Variants in TCF7L2 observed in about 807,000 individuals in gnomAD.
TCF7L2 encodes transcription factor 7 like 2, also known as transcription factor 7-like 2.
A neutral mutation model predicts 77.9 loss-of-function variants in TCF7L2; 23 were observed. The observed-to-expected ratio is 0.30, with a 90% confidence interval of 0.21 to 0.42. The LOEUF is 0.42. Ranked by LOEUF, TCF7L2 falls within the 10% of genes least tolerant of loss-of-function variation. The pLI is 1.00. For missense variants in TCF7L2, 654 were observed against 793.1 expected, an observed-to-expected ratio of 0.82 and a Z score of 2.11; for synonymous variants, 413 against 340.2, an observed-to-expected ratio of 1.21 and a Z score of -2.36.
At chr10:113,125,091 C>G (rs1299065620) in intron 5 of TCF7L2, among the ~76,000 whole-genome samples, 1 of 152,062 alleles carries the variant, frequency 6.6e-6, no homozygotes, top group East Asian at 1.9e-4. Flanking sequence ...AAGAGCTGAG[C>G]TGATGAAGGT....
At chr10:113,043,643 C>T (rs529512586) in intron 5 of TCF7L2, among the ~76,000 whole-genome samples, 2 of 152,222 alleles carry the variant, frequency 1.3e-5, no homozygotes, top group East Asian at 1.9e-4. Flanking sequence ...TTCTTAACAA[C>T]TCAGAGACAT....
chr10:113,131,684 G>A (rs11599737), intron 5 of TCF7L2, among the ~76,000 whole-genome samples: 8,578 of 152,196 alleles, frequency 0.056, 354 homozygotes, highest in Non-Finnish European at 0.087. Flanking sequence ...CTGCTGCATC[G>A]GCATTTTCTG....
chr10:113,083,259 G>GACACACAC (rs10649541), intron 5 of TCF7L2, among the ~76,000 whole-genome samples: 6,483 of 143,382 alleles, frequency 0.045, 230 homozygotes, highest in East Asian at 0.1. Flanking sequence ...TATACTGATA[G>GACACACAC]ACACACACAC....
At chr10:113,007,035 C>T (rs569916451) in intron 4 of TCF7L2, among the ~76,000 whole-genome samples, 2 of 152,368 alleles carry the variant, frequency 1.3e-5, no homozygotes, top group African/African-American at 4.8e-5. Flanking sequence ...AACTACATTC[C>T]TTTCCCTTCA....
intron 5 of TCF7L2, among the ~76,000 whole-genome samples, chr10:113,068,749 G>T (rs940918193): frequency 6.6e-6 from 1 of 151,996 alleles, no homozygotes; most frequent in Non-Finnish European, 1.5e-5. Flanking sequence ...CTGGAAGCTC[G>T]TCCCGTCCGC....
At position 112,966,107 on chromosome 10, in the gene TCF7L2, G is replaced by A. The variant is rs970215595; in HGVS notation, c.450+1483G>A. 9.3e-5 allele frequency among the ~76,000 whole-genome samples: 14 copies of A among 150,090 alleles called. 1 individual carries two copies. Among genetic ancestry groups the A allele is most frequent in the East Asian group, 5.9e-4 (3 of 5,128 alleles). On this transcript the variant is annotated intron_variant, in intron 4 of 13. Coordinates refer to ENST00000627217, the MANE Select transcript of TCF7L2 (RefSeq NM_001146274.2). ...GGAGAATCACTTGAACCCGGGAGGC[G>A]GAGGTTGCGGTGAGCCGAGATCACG...
rs1373725715 is a variant in TCF7L2 at position 113,001,061 on chromosome 10, G to A, written c.450+36437G>A. Reference sequence around the variant, plus strand: ...GCTCCGGAGGGCAGGCCTGGAGTCAGGAATGCTTCCTGCAACCTGTTCGTG... The same window carrying A: ...GCTCCGGAGGGCAGGCCTGGAGTCAAGAATGCTTCCTGCAACCTGTTCGTG... On this transcript the variant is annotated intron_variant, in intron 4 of 13. Transcript: ENST00000627217. 2.6e-5 allele frequency among the ~76,000 whole-genome samples: 4 copies of A among 152,230 alleles called. 1 individual carries two copies. The highest frequency in any genetic ancestry group is 5.9e-5 in the Non-Finnish European group (4 of 68,040).
chr10:113,085,762 T>C (rs1468957819), intron 5 of TCF7L2, among the ~76,000 whole-genome samples: 1 of 152,232 alleles, frequency 6.6e-6, no homozygotes, highest in African/African-American at 2.4e-5. Flanking sequence ...TCTCTTGACT[T>C]GATCCAGCCT....
chr10:113,109,073 G>A (rs1182191399), intron 5 of TCF7L2, among the ~76,000 whole-genome samples: 1 of 152,202 alleles, frequency 6.6e-6, no homozygotes, highest in Non-Finnish European at 1.5e-5. Context: ...ACACACGCGC[G>A]TGCACACATG....
At chr10:113,087,095 T>C (rs2059918533) in intron 5 of TCF7L2, among the ~76,000 whole-genome samples, 1 of 152,224 alleles carries the variant, frequency 6.6e-6, no homozygotes, top group African/African-American at 2.4e-5. Context: ...TCAAAGCCAG[T>C]AGCCCCTGAT....
intron 5 of TCF7L2, chr10:113,129,898 G>T: frequency 7.7e-7 from 1 of 1,292,346 alleles, no homozygotes; most frequent in Non-Finnish European, 1.0e-6. Flanking sequence ...AGTGGGAATG[G>T]AAGATTTGAG....
chr10:113,085,191 T>G (rs1299034204), intron 5 of TCF7L2, among the ~76,000 whole-genome samples: 1 of 151,680 alleles, frequency 6.6e-6, no homozygotes, highest in African/African-American at 2.4e-5. Context: ...CTTGGCCTTC[T>G]GAGTAGCTAC....
intron 5 of TCF7L2, among the ~76,000 whole-genome samples, chr10:113,047,060 A>G (rs778899057): frequency 3.9e-5 from 6 of 152,178 alleles, no homozygotes; most frequent in East Asian, 1.9e-4. Context: ...TACTGAATCA[A>G]TGCCATATTG....
chr10:113,108,213 T>G (rs1399163258), intron 5 of TCF7L2, among the ~76,000 whole-genome samples: 1 of 152,094 alleles, frequency 6.6e-6, no homozygotes, highest in Non-Finnish European at 1.5e-5. Flanking sequence ...AAACACAATG[T>G]GGACCCCCCC....
intron 4 of TCF7L2, among the ~76,000 whole-genome samples, chr10:113,027,345 T>G (rs1016606167): frequency 1.3e-5 from 2 of 152,206 alleles, no homozygotes; most frequent in African/African-American, 4.8e-5. Context: ...CTTTTGGTTC[T>G]TTCAGCGTTT....
At chr10:113,118,078 C>T (rs1166594069) in intron 5 of TCF7L2, among the ~76,000 whole-genome samples, 1 of 151,862 alleles carries the variant, frequency 6.6e-6, no homozygotes, top group Admixed American at 6.6e-5. Flanking sequence ...CAACCATTTC[C>T]AGGACTCGCT....
intron 5 of TCF7L2, among the ~76,000 whole-genome samples, chr10:113,055,925 G>GT (rs915660876): frequency 1.6e-4 from 25 of 152,270 alleles, no homozygotes; most frequent in Admixed American, 6.5e-5. Context: ...AGGAAATTAG[G>GT]TTTTTTTGGT....
At chr10:113,147,662 G>A (rs1045702307) in intron 8 of TCF7L2, among the ~76,000 whole-genome samples, 1 of 152,182 alleles carries the variant, frequency 6.6e-6, no homozygotes, top group Non-Finnish European at 1.5e-5. Flanking sequence ...CATTCTATTA[G>A]TGTAGCAGCT....
In TCF7L2 at chr10:112,950,434, C is replaced by CTTG. The variant is rs1468806771; in HGVS notation, c.-313_-311dup. ...CCCCTTTGCTCTTTATATCTGACTT[C>CTTG]TTGTTGTTGTTGGTGTTTTTTTTTT... On this transcript the variant is annotated 5_prime_UTR_variant, in exon 1 of 14. Coordinates refer to ENST00000627217, the MANE Select transcript of TCF7L2 (RefSeq NM_001146274.2). The CTTG allele has an allele frequency of 4.3e-4, 95 of 220,842 alleles. No individual in the cohort carries two copies. Among genetic ancestry groups the CTTG allele is most frequent in the African/African-American group, 2.3e-3 (93 of 39,704 alleles). The allele number at this position is 220,842 out of a possible 1,614,324, so 13.7% of individuals were successfully genotyped here. A position where few individuals can be genotyped will look rare whatever the true frequency, so the allele number is the denominator to read the frequency against.
Sources: gnomAD v4.1 joint callset for allele counts (sites outside exome capture counted in the v4.1 genomes callset) on GRCh38, gnomAD v4.1.1 for gene constraint, MANE v1.5 for transcripts, NCBI Gene and HGNC (gene_info 2026-07-23, HGNC 2026-07-21) for gene names.